Variants in COPA observed in about 807,000 individuals in gnomAD.
COPA encodes coat protein complex I subunit alpha.
A neutral mutation model predicts 158.7 loss-of-function variants in COPA; 10 were observed. The ratio of observed to expected loss-of-function variants is 0.06; its 90% CI spans 0.04 to 0.11. COPA has a LOEUF of 0.11. COPA is among the 10% of genes least tolerant of loss of function. COPA has a pLI of 1.00. For missense variants in COPA, 1,065 were observed against 1,536.7 expected, an observed-to-expected ratio of 0.69 and a Z score of 5.13; for synonymous variants, 462 against 542.8, an observed-to-expected ratio of 0.85 and a Z score of 2.07.
chr1:160,328,999 A>G (rs1254399852), intron 6 of COPA, among the ~76,000 whole-genome samples: 1 of 152,254 alleles, frequency 6.6e-6, no homozygotes, highest in African/African-American at 2.4e-5. Context: ...ACTCTCATTC[A>G]GAACTAACTT....
intron 27 of COPA, 61 bp from the exon 28 acceptor site, chr1:160,292,681 T>C (rs1658280453): frequency 7.2e-7 from 1 of 1,385,944 alleles, no homozygotes. Context: ...TACTTTTCCT[T>C]GGGCAAGGTA....
chr1:160,331,436 T>C (rs1454768118), intron 6 of COPA, among the ~76,000 whole-genome samples: 1 of 151,468 alleles, frequency 6.6e-6, no homozygotes, highest in East Asian at 2.0e-4. Context: ...GAGAATCACC[T>C]GAGGTCAGGA....
At chr1:160,340,102 C>T (rs1647967504) in intron 2 of COPA, 79 bp downstream of exon 2, 1 of 1,476,876 alleles carries the variant, frequency 6.8e-7, no homozygotes, top group Non-Finnish European at 9.4e-7. Context: ...TAGAGGAATC[C>T]ATGTCAAACA....
At chr1:160,297,853 T>A in intron 19 of COPA, 108 bp from the exon 20 acceptor site, 1 of 1,126,648 alleles carries the variant, frequency 8.9e-7, no homozygotes, top group Middle Eastern at 2.9e-4. Flanking sequence ...GAACTTCCTA[T>A]ACTTTCAATT....
At position 160,299,149 on chromosome 1, in the gene COPA, T is replaced by C. The variant is rs2101829389; in HGVS notation, c.1783A>G (p.Thr595Ala). ...CRPRVLTIDP[T>A]EFKFKLALIN... ...AGGGCCAGCTTGAATTTGAACTCAG[T>C]GGGATCAATGGTGAGTACCCGGGGA... Residue 595 changes from threonine (T) to alanine (A), a missense_variant, in exon 18 of 33, where the codon ACT becomes GCT. Transcript: ENST00000241704. 6.2e-7 allele frequency: 1 copy of C among 1,614,208 alleles called. No homozygotes were observed. Among genetic ancestry groups the C allele is most frequent in the Middle Eastern group, 1.6e-4 (1 of 6,062 alleles).
intron 17 of COPA, among the ~76,000 whole-genome samples, chr1:160,301,617 A>AG (rs1341838415): frequency 6.6e-6 from 1 of 151,944 alleles, no homozygotes; most frequent in African/African-American, 2.4e-5. Flanking sequence ...TACAAAAAAA[A>AG]CAAAAATGAG....
At chr1:160,328,151 G>A (rs370517537) in intron 6 of COPA, among the ~76,000 whole-genome samples, 30 of 152,236 alleles carry the variant, frequency 2.0e-4, no homozygotes, top group African/African-American at 5.8e-4. Flanking sequence ...ATACTTTATC[G>A]CTGGGATGCC....
rs548542868 is a variant in COPA at position 160,318,326 on chromosome 1, T to A, written c.707-4201A>T. Reference sequence around the variant, plus strand: ...GATCCCAGAAAAGTTCTAATTTTCATTAGCAATTAATAAAGCTATACATGC... The same window carrying A: ...GATCCCAGAAAAGTTCTAATTTTCAATAGCAATTAATAAAGCTATACATGC... On this transcript the variant is annotated intron_variant, in intron 8 of 32. Coordinates refer to ENST00000241704, the MANE Select transcript of COPA (RefSeq NM_004371.4). 5.9e-5 allele frequency among the ~76,000 whole-genome samples: 9 copies of A among 152,018 alleles called. No homozygotes were observed. The South Asian group carries it at 1.7e-3, about 28-fold the overall frequency.
rs1327793787 is a variant in COPA, at chr1:160,292,022, T to C, written c.3137A>G (p.Glu1046Gly). The change falls in exon 29 of 33, where the codon GAG becomes GGG. Residue 1046 changes from glutamate (E) to glycine (G), a missense_variant. Coordinates refer to ENST00000241704, the MANE Select transcript of COPA (RefSeq NM_004371.4). ...GCTAGACCCTCCTACCTCTGCAATC[T>C]CTTGTTTATTGTCCACAACAAGAAG... ...VPLLVVDNKQ[E>G]IAEAQQLITI... 4 of 1,614,034 alleles carry C rather than the reference T, an allele frequency of 2.5e-6. No individual in the cohort carries two copies. Among genetic ancestry groups the C allele is most frequent in the Non-Finnish European group, 2.5e-6 (3 of 1,180,030 alleles).
chr1:160,337,128 AT>A (rs1208131241), intron 3 of COPA, among the ~76,000 whole-genome samples: 1 of 152,158 alleles, frequency 6.6e-6, no homozygotes, highest in African/African-American at 2.4e-5. Flanking sequence ...TTTTCCCCTT[AT>A]AGAGTTCAGT....
At chr1:160,294,157 T>C (rs139214528) in intron 25 of COPA, among the ~76,000 whole-genome samples, 2 of 152,102 alleles carry the variant, frequency 1.3e-5, no homozygotes, top group Admixed American at 1.3e-4. Context: ...TTCTTCCTGC[T>C]TCTTTTACTT....
At chr1:160,328,844 T>A (rs1647377250) in intron 6 of COPA, among the ~76,000 whole-genome samples, 1 of 152,168 alleles carries the variant, frequency 6.6e-6, no homozygotes, top group South Asian at 2.1e-4. Context: ...TGGGGTTCAA[T>A]CCCTATGGGA....
intron 3 of COPA, chr1:160,339,549 G>C (rs1571188149): frequency 5.9e-6 from 1 of 170,184 alleles, no homozygotes. Flanking sequence ...GCTGTGTCAT[G>C]CTTTTTGTCT....
At chr1:160,323,396 C>A in intron 8 of COPA, 35 bp downstream of exon 8, 1 of 1,548,718 alleles carries the variant, frequency 6.5e-7, no homozygotes, top group Non-Finnish European at 8.8e-7. Flanking sequence ...CTGGCAGTTT[C>A]TTAGATATGG....
chr1:160,288,729 ATTG>A lies in COPA; in HGVS notation c.*1425_*1427del, dbSNP rs1325332968. Among the ~76,000 whole-genome samples, 2 of 152,200 alleles carry A rather than the reference ATTG, an allele frequency of 1.3e-5. No homozygotes were observed. The highest frequency in any genetic ancestry group is 2.9e-5 in the Non-Finnish European group (2 of 68,038). The stretch of plus-strand genomic sequence containing the variant: ...TAGCATATGACAAGCAAAATATTGT[ATTG>A]TTAATGTAATCATTGTATCATTGTA... On this transcript the variant is annotated 3_prime_UTR_variant, in exon 33 of 33. Transcript: ENST00000241704.
intron 4 of COPA, among the ~76,000 whole-genome samples, chr1:160,334,001 A>G (rs1044554215): frequency 3.3e-5 from 5 of 152,184 alleles, no homozygotes; most frequent in Non-Finnish European, 7.3e-5. Flanking sequence ...ATATACAGTT[A>G]ATCATGTAAA....
intron 8 of COPA, among the ~76,000 whole-genome samples, chr1:160,322,198 T>C (rs1009274714): frequency 6.6e-6 from 1 of 152,150 alleles, no homozygotes; most frequent in Admixed American, 6.5e-5. Context: ...TCACACTACC[T>C]GACTTCAAAA....
chr1:160,323,967 T>C (rs1659413199), intron 7 of COPA, among the ~76,000 whole-genome samples: 1 of 152,096 alleles, frequency 6.6e-6, no homozygotes, highest in South Asian at 2.1e-4. Flanking sequence ...GTTCAAGTAA[T>C]TCTCTGCCTC....
intron 17 of COPA, among the ~76,000 whole-genome samples, chr1:160,303,265 C>T (rs112661583): frequency 0.015 from 2,284 of 152,142 alleles, 67 homozygotes; most frequent in African/African-American, 0.053. Flanking sequence ...AATACCCTAA[C>T]GACTTTTAAA....
Sources: allele counts gnomAD v4.1 joint callset (sites outside exome capture counted in the v4.1 genomes callset), GRCh38; gene constraint gnomAD v4.1.1; transcripts MANE v1.5; gene names NCBI Gene and HGNC (gene_info 2026-07-23, HGNC 2026-07-21).